VAV3: variants seen among roughly 807,000 people sequenced by gnomAD.
VAV3 encodes the protein guanine nucleotide exchange factor VAV3.
In VAV3, 94 loss-of-function variants were observed where a neutral mutation model predicts 131.2. The observed-to-expected ratio is 0.72, with a 90% CI of 0.61 to 0.85. The LOEUF is 0.85. VAV3 is among the 40% of genes least tolerant of loss of function. The probability of loss-of-function intolerance (pLI) is 0.00; values close to 1 mark genes in which losing one functional copy is unlikely to be tolerated. For synonymous variants in VAV3, 349 were observed against 342.0 expected (o/e 1.02, Z -0.22); for missense variants, 939 against 1,002.7 (o/e 0.94, Z 0.86).
At chr1:107,604,643 T>C (rs1383384605) in intron 22 of VAV3, among the ~76,000 whole-genome samples, 1 of 152,204 alleles carries the variant, frequency 6.6e-6, no homozygotes, top group Admixed American at 6.5e-5. Context: ...GGGTCTTCTC[T>C]GACCATACCA....
chr1:107,923,216 C>T (rs951382453), intron 1 of VAV3, among the ~76,000 whole-genome samples: 28 of 152,094 alleles, frequency 1.8e-4, no homozygotes, highest in Admixed American at 1.3e-4. Context: ...TATTTCTGTG[C>T]GTTTGGGTTT....
chr1:107,693,496 G>A (rs759660990), intron 17 of VAV3, among the ~76,000 whole-genome samples: 20 of 151,970 alleles, frequency 1.3e-4, no homozygotes, highest in Non-Finnish European at 1.9e-4. Flanking sequence ...ATCATTTCCA[G>A]GGTGAATGAA....
chr1:107,899,126 T>C (rs1671742950), intron 1 of VAV3, among the ~76,000 whole-genome samples: 2 of 152,228 alleles, frequency 1.3e-5, no homozygotes, highest in Admixed American at 1.3e-4. Context: ...ATGGTTGTCC[T>C]ACCTACAAGG....
chr1:107,788,854 A>G (rs375387524), intron 2 of VAV3, among the ~76,000 whole-genome samples: 13 of 152,368 alleles, frequency 8.5e-5, no homozygotes, highest in African/African-American at 3.1e-4. Context: ...CTTTAAGCAG[A>G]TAGTAGAGAG....
intron 2 of VAV3, among the ~76,000 whole-genome samples, chr1:107,828,635 C>G (rs376364456): frequency 1.3e-5 from 2 of 152,070 alleles, no homozygotes; most frequent in East Asian, 1.9e-4. Context: ...ACACATAGCC[C>G]TCTTCCTCCA....
chr1:107,743,826 G>C (rs1334276946), intron 15 of VAV3, among the ~76,000 whole-genome samples: 2 of 152,174 alleles, frequency 1.3e-5, no homozygotes, highest in African/African-American at 2.4e-5. Flanking sequence ...TTCTTGTCTA[G>C]TGGAGCCTGA....
chr1:107,856,636 CTT>C (rs973068723), intron 2 of VAV3, among the ~76,000 whole-genome samples: 1 of 152,120 alleles, frequency 6.6e-6, no homozygotes, highest in Non-Finnish European at 1.5e-5. Context: ...GTTTAATTCT[CTT>C]GTTTAGTAAC....
chr1:107,803,428 C>G (rs1254259907), intron 2 of VAV3, among the ~76,000 whole-genome samples: 2 of 151,962 alleles, frequency 1.3e-5, no homozygotes, highest in Non-Finnish European at 2.9e-5. Flanking sequence ...CTGTATCCCA[C>G]AGATTTTGGT....
intron 15 of VAV3, among the ~76,000 whole-genome samples, chr1:107,719,663 G>A (rs1464899459): frequency 1.3e-5 from 2 of 152,146 alleles, no homozygotes; most frequent in East Asian, 3.9e-4. Context: ...ATTCCTCAAG[G>A]ATCTAGAACT....
chr1:107,827,160 A>G (rs917565977), intron 2 of VAV3, among the ~76,000 whole-genome samples: 1 of 152,160 alleles, frequency 6.6e-6, no homozygotes, highest in African/African-American at 2.4e-5. Flanking sequence ...CATTCAGTCA[A>G]GGGTCCTCTG....
chr1:107,575,000 TGCGCGCGCGCGCGCGC>T (rs1432371175), intron 25 of VAV3, among the ~76,000 whole-genome samples: 4 of 103,858 alleles, frequency 3.9e-5, no homozygotes, highest in South Asian at 3.2e-4. Flanking sequence ...TGTGCGTGCG[TGCGCGCGCGCGCGCGC>T]ACACGCGCGC....
At chr1:107,675,257 T>C (rs751060361) in intron 19 of VAV3, among the ~76,000 whole-genome samples, 1 of 152,184 alleles carries the variant, frequency 6.6e-6, no homozygotes, top group Non-Finnish European at 1.5e-5. Flanking sequence ...ACCACTATCA[T>C]CATAATCTTC....
intron 21 of VAV3, among the ~76,000 whole-genome samples, chr1:107,613,026 C>T (rs967852082): frequency 1.3e-5 from 2 of 152,086 alleles, no homozygotes; most frequent in African/African-American, 2.4e-5. Context: ...ATTTTGTCCA[C>T]AAGTTATAGT....
At chr1:107,615,037 T>C (rs1318802633) in intron 21 of VAV3, among the ~76,000 whole-genome samples, 1 of 152,156 alleles carries the variant, frequency 6.6e-6, no homozygotes, top group Non-Finnish European at 1.5e-5. Context: ...AGAATCATTT[T>C]AGCTTATCTA....
intron 15 of VAV3, among the ~76,000 whole-genome samples, chr1:107,726,792 T>A (rs903304737): frequency 1.3e-5 from 2 of 152,220 alleles, no homozygotes; most frequent in Admixed American, 1.3e-4. Context: ...TTTCTACAGA[T>A]GGAATAAAGC....
At chr1:107,843,539 A>G (rs11185185) in intron 2 of VAV3, among the ~76,000 whole-genome samples, 30,041 of 137,924 alleles carry the variant, frequency 0.22, 3,517 homozygotes, top group Middle Eastern at 0.3. Flanking sequence ...GTGTGTGTGT[A>G]TATATATATA....
At chr1:107,714,674 T>C (rs936913432) in intron 15 of VAV3, among the ~76,000 whole-genome samples, 5 of 152,192 alleles carry the variant, frequency 3.3e-5, no homozygotes, top group Middle Eastern at 3.4e-3. Context: ...TGCTGGTTAT[T>C]TGAAAGGGCA....
At chr1:107,771,562 C>T (rs183098501) in intron 5 of VAV3, among the ~76,000 whole-genome samples, 7 of 152,282 alleles carry the variant, frequency 4.6e-5, no homozygotes, top group East Asian at 3.9e-4. Context: ...CTGTTGTTAG[C>T]TTTTCTAACT....
intron 25 of VAV3, among the ~76,000 whole-genome samples, chr1:107,593,973 C>A (rs779402738): frequency 2.0e-5 from 3 of 151,920 alleles, no homozygotes; most frequent in Admixed American, 6.6e-5. Flanking sequence ...ATATAGAACA[C>A]CTCATTTAGT....
Sources: gnomAD v4.1 joint callset for allele counts (sites outside exome capture counted in the v4.1 genomes callset) on GRCh38, gnomAD v4.1.1 for gene constraint, MANE v1.5 for transcripts, NCBI Gene and HGNC (gene_info 2026-07-23, HGNC 2026-07-21) for gene names.